The following ZNF804B variants were observed in gnomAD, a reference collection of about 807,000 sequenced individuals.
ZNF804B encodes zinc finger protein 804B.
A neutral mutation model predicts 101.4 loss-of-function variants in ZNF804B; 80 were observed. That is an observed-to-expected ratio of 0.79 (90% CI 0.66 to 0.95). The LOEUF (loss-of-function observed/expected upper bound fraction) is 0.95, where lower values mean the gene tolerates loss of function less well. ZNF804B is among the 40% of genes least tolerant of loss of function. The pLI, the probability that ZNF804B is intolerant of heterozygous loss-of-function variation, is 0.00. For synonymous variants in ZNF804B, 622 were observed against 558.8 expected, an observed-to-expected ratio of 1.11 and a Z score of -1.59; for missense variants, 1,673 against 1,561.9, an observed-to-expected ratio of 1.07 and a Z score of -1.20.
At chr7:89,035,816 G>A (rs1043980257) in intron 1 of ZNF804B, among the ~76,000 whole-genome samples, 3 of 148,552 alleles carry the variant, frequency 2.0e-5, no homozygotes, top group Admixed American at 6.8e-5. Context: ...GACCCGTAGG[G>A]TATGGGAAAA....
intron 1 of ZNF804B, among the ~76,000 whole-genome samples, chr7:89,028,078 T>C (rs1788778301): frequency 1.3e-5 from 2 of 152,170 alleles, no homozygotes; most frequent in Admixed American, 1.3e-4. Flanking sequence ...ATCATGTATA[T>C]CCAGCATGTG....
chr7:88,899,729 A>G (rs1293738274), intron 1 of ZNF804B, among the ~76,000 whole-genome samples: 1 of 152,198 alleles, frequency 6.6e-6, no homozygotes, highest in Non-Finnish European at 1.5e-5. Flanking sequence ...AGGGGCTACA[A>G]CATAACTTTC....
chr7:89,193,990 T>G (rs1301587265), intron 1 of ZNF804B, among the ~76,000 whole-genome samples: 1 of 152,188 alleles, frequency 6.6e-6, no homozygotes, highest in African/African-American at 2.4e-5. Flanking sequence ...TCCTGACTTT[T>G]TAATGATTGC....
At chr7:89,043,768 A>G (rs1017844161) in intron 1 of ZNF804B, among the ~76,000 whole-genome samples, 1 of 152,200 alleles carries the variant, frequency 6.6e-6, no homozygotes, top group Non-Finnish European at 1.5e-5. Flanking sequence ...GAAGGTCTTC[A>G]CTGAACACAA....
chr7:89,337,128 TATTGCTGCCA>T lies in ZNF804B; in HGVS notation c.*100_*109del. On this transcript the variant is annotated 3_prime_UTR_variant, in exon 4 of 4. Transcript: ENST00000333190. ...AGTCTGTCAATTATAAGATTTAAAA[TATTGCTGCCA>T]ATTCAAAATGTGACAAATATATAAA... is the stretch of plus-strand genomic sequence containing the variant. 1 of 1,210,840 alleles carries T rather than the reference TATTGCTGCCA, an allele frequency of 8.3e-7. No homozygotes were observed. The highest frequency in any genetic ancestry group is 1.1e-6 in the Non-Finnish European group (1 of 883,402). 75.0% of individuals were successfully genotyped at this position (1,210,840 alleles called of 1,614,324 possible).
intron 1 of ZNF804B, among the ~76,000 whole-genome samples, chr7:88,803,285 T>C (rs1396259882): frequency 2.0e-5 from 3 of 152,166 alleles, no homozygotes; most frequent in Non-Finnish European, 2.9e-5. Flanking sequence ...TGTAGAATGA[T>C]GGATCATGAA....
chr7:89,263,707 C>T (rs114907553), intron 2 of ZNF804B, among the ~76,000 whole-genome samples: 2,492 of 151,814 alleles, frequency 0.016, 76 homozygotes, highest in African/African-American at 0.057. Context: ...TCACCTGAAA[C>T]ACACAGGGAG....
intron 1 of ZNF804B, among the ~76,000 whole-genome samples, chr7:88,766,778 A>G (rs1789990743): frequency 6.6e-6 from 1 of 152,232 alleles, no homozygotes; most frequent in Non-Finnish European, 1.5e-5. Context: ...AATCAATAAT[A>G]AAATATTGAA....
chr7:89,020,425 T>A (rs1320634260), intron 1 of ZNF804B, among the ~76,000 whole-genome samples: 1 of 152,172 alleles, frequency 6.6e-6, no homozygotes, highest in Non-Finnish European at 1.5e-5. Flanking sequence ...TGCTGAGAAA[T>A]CTGTTAGTGT....
At chr7:89,023,695 A>G (rs942505174) in intron 1 of ZNF804B, among the ~76,000 whole-genome samples, 7 of 152,204 alleles carry the variant, frequency 4.6e-5, no homozygotes, top group African/African-American at 1.7e-4. Flanking sequence ...ATAGATTTGC[A>G]TGAGAAACAC....
intron 1 of ZNF804B, among the ~76,000 whole-genome samples, chr7:88,864,584 T>C (rs2115863956): frequency 6.6e-6 from 1 of 152,306 alleles, no homozygotes; most frequent in East Asian, 1.9e-4. Flanking sequence ...AGGGAATTTA[T>C]CTGCTGACTT....
At chr7:89,069,358 T>C (rs1361250182) in intron 1 of ZNF804B, among the ~76,000 whole-genome samples, 1 of 152,214 alleles carries the variant, frequency 6.6e-6, no homozygotes, top group Non-Finnish European at 1.5e-5. Flanking sequence ...AATGAGACTA[T>C]GTATGTGAAA....
intron 1 of ZNF804B, among the ~76,000 whole-genome samples, chr7:88,951,695 G>A (rs1793226091): frequency 6.6e-6 from 1 of 151,836 alleles, no homozygotes; most frequent in Non-Finnish European, 1.5e-5. Context: ...GGACACAGGA[G>A]ATTGGTTTAT....
chr7:89,134,008 ATT>A (rs1790592616), intron 1 of ZNF804B, among the ~76,000 whole-genome samples: 1 of 152,058 alleles, frequency 6.6e-6, no homozygotes, highest in Non-Finnish European at 1.5e-5. Context: ...ATGAAAGTGG[ATT>A]ACTCCTTTTC....
chr7:88,947,694 G>T (rs141245733), intron 1 of ZNF804B, among the ~76,000 whole-genome samples: 50 of 151,792 alleles, frequency 3.3e-4, no homozygotes, highest in East Asian at 2.9e-3. Context: ...AAACTTAAAA[G>T]AATTTTGTGT....
At chr7:88,836,739 T>G (rs1044074784) in intron 1 of ZNF804B, among the ~76,000 whole-genome samples, 3 of 151,852 alleles carry the variant, frequency 2.0e-5, no homozygotes, top group Non-Finnish European at 4.4e-5. Flanking sequence ...TGCAATTCGC[T>G]CTTTCCCAGT....
chr7:89,257,941 T>C (rs1220034365), intron 2 of ZNF804B, among the ~76,000 whole-genome samples: 2 of 152,222 alleles, frequency 1.3e-5, no homozygotes, highest in East Asian at 1.9e-4. Flanking sequence ...TATACAGATA[T>C]TGATATCTCA....
intron 1 of ZNF804B, among the ~76,000 whole-genome samples, chr7:88,894,045 C>T (rs1328499614): frequency 6.6e-6 from 1 of 151,690 alleles, no homozygotes; most frequent in Non-Finnish European, 1.5e-5. Context: ...AAATACATAC[C>T]CTGCTTGTCT....
chr7:89,335,444 A>C lies in ZNF804B; in HGVS notation c.2462A>C (p.Lys821Thr). The C allele has an allele frequency of 1.2e-6, 2 of 1,613,954 alleles. No homozygotes were observed. The highest frequency in any genetic ancestry group is 1.7e-6 in the Non-Finnish European group (2 of 1,179,960). ...AATCAACAACAATTTTCAGGGCTAAAATCTACGAGAATCATCTATTGTGAT... is the reference window on the plus strand; with the variant it reads ...AATCAACAACAATTTTCAGGGCTAACATCTACGAGAATCATCTATTGTGAT... ...GKNQQQFSGL[K>T]STRIIYCDSN... The change falls in exon 4 of 4, where the codon AAA becomes ACA. Residue 821 changes from lysine to threonine, a missense_variant. By Grantham distance (78) the Lys-to-Thr change is moderately conservative. Coordinates refer to ENST00000333190, the MANE Select transcript of ZNF804B (RefSeq NM_181646.5).
Sources: allele counts gnomAD v4.1 joint callset (sites outside exome capture counted in the v4.1 genomes callset), GRCh38; gene constraint gnomAD v4.1.1; transcripts MANE v1.5; gene names NCBI Gene and HGNC (gene_info 2026-07-23, HGNC 2026-07-21).